Variants in SCG5 observed in about 807,000 individuals in gnomAD.
SCG5 encodes secretogranin V.
In SCG5, 18 loss-of-function variants were observed where a neutral mutation model predicts 25.7. The observed-to-expected ratio is 0.70, with a 90% CI of 0.48 to 1.04. The LOEUF (loss-of-function observed/expected upper bound fraction) is 1.04. Among genes scored for constraint, SCG5 ranks in the 50% least tolerant of loss-of-function variants. The pLI is 0.00. For missense variants in SCG5, 206 were observed against 259.8 expected (o/e 0.79, Z 1.42); for synonymous variants, 101 against 91.7 (o/e 1.10, Z -0.58).
chr15:32,644,253 A>T (rs183725288), intron 2 of SCG5, among the ~76,000 whole-genome samples: 1 of 152,296 alleles, frequency 6.6e-6, no homozygotes, highest in African/African-American at 2.4e-5. Flanking sequence ...CTGCCTTTTG[A>T]GTCAATGCCA....
intron 2 of SCG5, among the ~76,000 whole-genome samples, chr15:32,658,887 T>C (rs1249688896): frequency 6.6e-6 from 1 of 152,074 alleles, no homozygotes; most frequent in South Asian, 2.1e-4. Flanking sequence ...TTAACAACTG[T>C]CAGAGAGGGC....
chr15:32,667,837 T>C lies in SCG5; in HGVS notation c.227-11929T>C, dbSNP rs554634964. On this transcript the variant is annotated intron_variant, in intron 2 of 5. Coordinates refer to ENST00000300175, the MANE Select transcript of SCG5 (RefSeq NM_001144757.3). The stretch of plus-strand genomic sequence containing the variant: ...ACAGGCACACACCAGCATGCCTGGA[T>C]AACTTTTTTGTATTTTTATTACAGA... 2.0e-5 allele frequency among the ~76,000 whole-genome samples: 3 copies of C among 152,124 alleles called. No individual in the cohort carries two copies. The East Asian group carries it at 5.8e-4, about 29-fold the overall frequency.
intron 5 of SCG5, chr15:32,692,219 A>G: frequency 1.0e-6 from 1 of 996,036 alleles, no homozygotes; most frequent in East Asian, 1.1e-4. Context: ...TCGGGAGCAA[A>G]AGATGAGATG....
chr15:32,658,927 A>G (rs1471201942), intron 2 of SCG5, among the ~76,000 whole-genome samples: 1 of 152,220 alleles, frequency 6.6e-6, no homozygotes, highest in Non-Finnish European at 1.5e-5. Context: ...CCGTAATCCC[A>G]GCACTTTGGG....
intron 2 of SCG5, among the ~76,000 whole-genome samples, chr15:32,657,070 G>A (rs2054128695): frequency 6.6e-6 from 1 of 150,386 alleles, no homozygotes; most frequent in African/African-American, 2.4e-5. Context: ...AAACTGTCCA[G>A]TCCATCTCAC....
At chr15:32,686,400 C>T (rs145534200) in intron 4 of SCG5, among the ~76,000 whole-genome samples, 37 of 151,896 alleles carry the variant, frequency 2.4e-4, no homozygotes, top group African/African-American at 8.5e-4. Flanking sequence ...CTGTGAACAC[C>T]GTGAAGAAGG....
At chr15:32,642,608 C>T (rs1221812266) in intron 1 of SCG5, among the ~76,000 whole-genome samples, 2 of 150,346 alleles carry the variant, frequency 1.3e-5, no homozygotes, top group Admixed American at 1.3e-4. Flanking sequence ...GTTTGCAAGG[C>T]CGCTGCCTGA....
At chr15:32,682,974 C>T (rs533537546) in intron 3 of SCG5, among the ~76,000 whole-genome samples, 16 of 152,316 alleles carry the variant, frequency 1.1e-4, no homozygotes, top group African/African-American at 3.9e-4. Flanking sequence ...AGTCAGGGCC[C>T]ACTCAGAGGT....
chr15:32,670,377 C>T (rs902635067), intron 2 of SCG5, among the ~76,000 whole-genome samples: 2 of 152,258 alleles, frequency 1.3e-5, no homozygotes, highest in African/African-American at 4.8e-5. Flanking sequence ...AGGGCCAGCC[C>T]TCTGCCCTGA....
At chr15:32,646,728 C>A (rs1189725983) in intron 2 of SCG5, among the ~76,000 whole-genome samples, 1 of 152,134 alleles carries the variant, frequency 6.6e-6, no homozygotes, top group African/African-American at 2.4e-5. Flanking sequence ...CAGTCTGGGA[C>A]CTTGGCATTG....
chr15:32,673,756 C>T (rs779927687), intron 2 of SCG5, among the ~76,000 whole-genome samples: 61 of 152,154 alleles, frequency 4.0e-4, no homozygotes, highest in Non-Finnish European at 6.9e-4. Context: ...TGTTTTGAGA[C>T]GGAGTCTCAC....
chr15:32,687,034 G>A (rs1162619361), intron 4 of SCG5, among the ~76,000 whole-genome samples: 1 of 152,016 alleles, frequency 6.6e-6, no homozygotes, highest in Non-Finnish European at 1.5e-5. Flanking sequence ...AGGTGGGAAA[G>A]TCTTCAGCTT....
chr15:32,689,826 A>G (rs1246628055), intron 4 of SCG5, among the ~76,000 whole-genome samples: 2 of 150,632 alleles, frequency 1.3e-5, no homozygotes, highest in African/African-American at 2.4e-5. Context: ...AAGATTAGCC[A>G]GGCCTTTTGC....
chr15:32,694,058 C>T lies in SCG5; in HGVS notation c.543+2295C>T, dbSNP rs901717964. On this transcript the variant is annotated intron_variant, in intron 5 of 5. Transcript: ENST00000300175. Reference sequence around the variant, plus strand: ...CTGGGAGGTGGAGTTTGCAGTGAGCCGAGATCATACCACTGCACTCCAGCC... The same window carrying T: ...CTGGGAGGTGGAGTTTGCAGTGAGCTGAGATCATACCACTGCACTCCAGCC... Among the ~76,000 whole-genome samples, 8 of 151,832 alleles carry T rather than the reference C, an allele frequency of 5.3e-5. No homozygotes were observed. The South Asian group carries it at 1.0e-3, about 20-fold the overall frequency.
intron 2 of SCG5, among the ~76,000 whole-genome samples, chr15:32,653,545 A>G (rs1265325025): frequency 1.3e-5 from 2 of 152,236 alleles, no homozygotes; most frequent in African/African-American, 4.8e-5. Flanking sequence ...GAATGTATAG[A>G]GAGACAGACA....
intron 2 of SCG5, among the ~76,000 whole-genome samples, chr15:32,659,565 A>G (rs2140521967): frequency 6.6e-6 from 1 of 152,324 alleles, no homozygotes; most frequent in African/African-American, 2.4e-5. Context: ...CAGTTCCCCC[A>G]GTGGCCTGTT....
intron 5 of SCG5, among the ~76,000 whole-genome samples, chr15:32,695,669 G>A (rs961036357): frequency 1.3e-5 from 2 of 151,962 alleles, no homozygotes; most frequent in Admixed American, 6.6e-5. Flanking sequence ...AAATACTGGC[G>A]AGGAAGAATC....
chr15:32,685,984 C>G (rs2054702040), intron 4 of SCG5, among the ~76,000 whole-genome samples: 1 of 152,218 alleles, frequency 6.6e-6, no homozygotes, highest in Non-Finnish European at 1.5e-5. Context: ...TTAGAGAAAT[C>G]TTCATTAATG....
intron 2 of SCG5, among the ~76,000 whole-genome samples, chr15:32,648,991 C>T (rs1445481187): frequency 1.3e-5 from 2 of 152,154 alleles, no homozygotes; most frequent in East Asian, 1.9e-4. Context: ...CTCCTGACCT[C>T]GTGATCCTCC....
Sources: allele counts gnomAD v4.1 joint callset (sites outside exome capture counted in the v4.1 genomes callset), GRCh38; gene constraint gnomAD v4.1.1; transcripts MANE v1.5; gene names NCBI Gene and HGNC (gene_info 2026-07-23, HGNC 2026-07-21).